Variants in UMODL1 observed in about 807,000 individuals in gnomAD.
UMODL1 encodes uromodulin-like 1.
A neutral mutation model predicts 136.3 loss-of-function variants in UMODL1; 128 were observed. The ratio of observed to expected loss-of-function variants is 0.94; its 90% CI spans 0.81 to 1.09. UMODL1 has a LOEUF of 1.09. Among genes scored for constraint, UMODL1 ranks in the 50% least tolerant of loss-of-function variants. UMODL1 has a pLI of 0.00. For synonymous variants in UMODL1, 721 were observed against 720.0 expected (o/e 1.00, Z -0.02); for missense variants, 1,766 against 1,725.6 (o/e 1.02, Z -0.41).
rs1342655674 is a variant in UMODL1 at position 42,123,553 on chromosome 21, ATGTGTGTGAATG to A, written c.3147+409_3147+420del. Among the ~76,000 whole-genome samples, 1 of 151,454 alleles carries A rather than the reference ATGTGTGTGAATG, an allele frequency of 6.6e-6. No individual in the cohort carries two copies. The highest frequency in any genetic ancestry group is 1.5e-5 in the Non-Finnish European group (1 of 67,886). ...TATGTCTGTGTATGTGGGGGTGTGC[ATGTGTGTGAATG>A]TGTGTAAATGTGTGAATCTGTGTGT... On this transcript the variant is annotated intron_variant, in intron 17 of 22. Coordinates refer to ENST00000408910, the MANE Select transcript of UMODL1 (RefSeq NM_001004416.3). This position sits in a 1 kb window ranked among gnomAD's most constrained non-coding sequence, Gnocchi z 4.4.
At chr21:42,078,971 G>C (rs115512970) in intron 2 of UMODL1, among the ~76,000 whole-genome samples, 2,032 of 152,308 alleles carry the variant, frequency 0.013, 45 homozygotes, top group African/African-American at 0.046. Flanking sequence ...CACTCCTAGG[G>C]GATAGCGGGG....
In UMODL1 at chr21:42,122,552, T is replaced by C. The variant is rs2066986387; in HGVS notation, c.2828-279T>C. Among the ~76,000 whole-genome samples, 2 of 134,766 alleles carry C rather than the reference T, an allele frequency of 1.5e-5. No individual in the cohort carries two copies. The highest frequency in any genetic ancestry group is 1.5e-4 in the Admixed American group (2 of 13,324). The allele number at this position is 134,766 out of a possible 152,430, so 88.4% of individuals were successfully genotyped here. ...TGCAACATGTGCATGTGTGCGTGTG[T>C]GTGTGTCTGCACGTGTGTGCGTGCG... On this transcript the variant is annotated intron_variant, in intron 16 of 22. Coordinates refer to ENST00000408910, the MANE Select transcript of UMODL1 (RefSeq NM_001004416.3). This position sits in a 1 kb window ranked among gnomAD's most constrained non-coding sequence, Gnocchi z 4.3.
rs377196356 is a variant in UMODL1 at position 42,084,218 on chromosome 21, C to T, written c.454C>T (p.Arg152Cys). ...LEKCCPWSGG[R>C]YCMAPAPQAP... ...GAAGTGCTGCCCCTGGTCAGGGGGG[C>T]GCTACTGCATGGCCCCTGCACCCCA... Residue 152 changes from arginine (R) to cysteine (C), a missense_variant, in exon 3 of 23, where the codon CGC becomes TGC. Physicochemically the swap from Arg to Cys is radical, Grantham distance 180. Transcript: ENST00000408910. 2.3e-5 allele frequency: 37 copies of T among 1,613,454 alleles called. 1 individual carries two copies. The highest frequency in any genetic ancestry group is 3.3e-4 in the Middle Eastern group (2 of 6,084).
In UMODL1 at chr21:42,071,369, C is replaced by G; in HGVS notation, c.53C>G (p.Pro18Arg). Residue 18 changes from proline to arginine, a missense_variant, in exon 1 of 23, where the codon CCA becomes CGA. Coordinates refer to ENST00000408910, the MANE Select transcript of UMODL1 (RefSeq NM_001004416.3). ...ALLALVSAVG[P>R]SQASGFTEKG... ...CTGGCTCTGGTCAGTGCTGTGGGCC[C>G]AAGCCAGGCCAGCGGCTTCACAGGT... The G allele has an allele frequency of 6.3e-7, 1 of 1,594,444 alleles. No individual in the cohort carries two copies. Among genetic ancestry groups the G allele is most frequent in the Non-Finnish European group, 8.5e-7 (1 of 1,171,020 alleles).
chr21:42,113,898 G>C, intron 13 of UMODL1, 68 bp downstream of exon 13: 1 of 1,549,942 alleles, frequency 6.5e-7, no homozygotes, highest in East Asian at 2.3e-5. Flanking sequence ...TGTGGGTTAA[G>C]GCTTAAGAGA....
At chr21:42,109,428 A>T (rs1266367648) in intron 9 of UMODL1, 134 bp from the exon 10 acceptor site, 5 of 1,161,832 alleles carry the variant, frequency 4.3e-6, no homozygotes, top group Non-Finnish European at 6.1e-6. Context: ...TGTTGGACGG[A>T]TGCCCCAAAA....
rs557327273 is a variant in UMODL1 at position 42,134,866 on chromosome 21, C to T, written c.3776-2573C>T. On this transcript the variant is annotated intron_variant, in intron 21 of 22. Transcript: ENST00000408910. Reference sequence around the variant, plus strand: ...GTCTTGATCTCCTGACCTTGTGATCCGCCCGCCTCAGCCTCCCAAGGTTCT... The same window carrying T: ...GTCTTGATCTCCTGACCTTGTGATCTGCCCGCCTCAGCCTCCCAAGGTTCT... Among the ~76,000 whole-genome samples the T allele has an allele frequency of 1.2e-4, 19 of 152,010 alleles. No homozygotes were observed. The East Asian group carries it at 1.7e-3, about 14-fold the overall frequency.
rs1396353542 is a variant in UMODL1, at chr21:42,119,186, A to G, written c.2551A>G (p.Thr851Ala). Residue 851 changes from threonine (T) to alanine (A), a missense_variant, in exon 15 of 23, where the codon ACC (threonine) becomes GCC (alanine). Transcript: ENST00000408910. ...GGVRMEVVSV[T>A]NGSIVVEFHL... ...GGTCAGGATGGAAGTCGTCAGCGTC[A>G]CCAACGGCAGCATCGTGGTGGAGTT... 1 of 1,614,076 alleles carries G rather than the reference A, an allele frequency of 6.2e-7. No homozygotes were observed. Among genetic ancestry groups the G allele is most frequent in the African/African-American group, 1.3e-5 (1 of 74,962 alleles).
intron 8 of UMODL1, 73 bp from the exon 9 acceptor site, chr21:42,103,795 G>GGTCACACCTGGAACCCTGCTT (rs1287747090): frequency 1.9e-6 from 3 of 1,556,060 alleles, no homozygotes; most frequent in African/African-American, 2.7e-5. Flanking sequence ...ACCATCCATC[G>GGTCACACCTGGAACCCTGCTT]GTCACACCTG....
At position 42,091,998 on chromosome 21, in the gene UMODL1, G is replaced by A. The variant is rs988610477; in HGVS notation, c.931+1560G>A. Among the ~76,000 whole-genome samples the A allele has an allele frequency of 1.7e-4, 26 of 152,228 alleles. 1 individual carries two copies. The highest frequency in any genetic ancestry group is 2.9e-4 in the Non-Finnish European group (20 of 68,048). On this transcript the variant is annotated intron_variant, in intron 6 of 22. Transcript: ENST00000408910. ...CAGGAAAACAGCTGGAAGGGCGTGC[G>A]CAGCAAGGTCAGCAGGGAAGGCTCA...
intron 21 of UMODL1, among the ~76,000 whole-genome samples, chr21:42,137,153 G>A (rs2067215442): frequency 1.3e-5 from 2 of 152,192 alleles, no homozygotes; most frequent in South Asian, 2.1e-4. Context: ...GTCCATGCAG[G>A]GAATCTGACT....
chr21:42,098,468 G>GAAA (rs35653079), intron 6 of UMODL1, among the ~76,000 whole-genome samples: 1,695 of 150,460 alleles, frequency 0.011, 25 homozygotes, highest in African/African-American at 0.036. Flanking sequence ...TTTATTATTG[G>GAAA]AAAAAAAAAC....
intron 6 of UMODL1, among the ~76,000 whole-genome samples, chr21:42,097,533 G>A (rs2066573197): frequency 6.6e-6 from 1 of 152,126 alleles, no homozygotes; most frequent in Non-Finnish European, 1.5e-5. Flanking sequence ...TTTTGTTTTT[G>A]TTATTGAGAG....
At position 42,129,771 on chromosome 21, in the gene UMODL1, C is replaced by T; in HGVS notation, c.3749C>T (p.Ser1250Phe). Residue 1250 changes from serine to phenylalanine, a missense_variant, in exon 21 of 23, where the codon TCC (serine) becomes TTC (phenylalanine). Coordinates refer to ENST00000408910, the MANE Select transcript of UMODL1 (RefSeq NM_001004416.3). ...GAAACCTCTGCCACACACCAGATGT[C>T]CTGGGGACCCCTCATCCGGTCTGAA... ...NSETSATHQM[S>F]WGPLIRSEGE... The T allele has an allele frequency of 6.3e-7, 1 of 1,590,408 alleles. No individual in the cohort carries two copies. Among genetic ancestry groups the T allele is most frequent in the Non-Finnish European group, 8.5e-7 (1 of 1,171,120 alleles).
intron 9 of UMODL1, among the ~76,000 whole-genome samples, chr21:42,108,951 T>G (rs113881514): frequency 0.24 from 18,764 of 77,656 alleles, 3,709 homozygotes; most frequent in African/African-American, 0.32. Flanking sequence ...ATACTCAGGC[T>G]GACCCCCACT....
chr21:42,095,087 C>CTTTTTTTTTTTTT (rs1569151178), intron 6 of UMODL1, among the ~76,000 whole-genome samples: 3 of 34,064 alleles, frequency 8.8e-5, no homozygotes, highest in Non-Finnish European at 1.4e-4. Context: ...TTTTCTTCTG[C>CTTTTTTTTTTTTT]TGTTTTTTTT....
Position 42,127,029 on chromosome 21 carries a change from T to C in UMODL1, c.3317T>C (p.Leu1106Pro), listed in dbSNP as rs757593056. ...AGGGTTTACACCATCATCGAGGACC[T>C]CCACGGCGCTGGGAATTTTGTTACC... ...EWGVYTIIEDLHGAGNFVTEM... is the reference protein window; with the variant it reads ...EWGVYTIIEDPHGAGNFVTEM... Residue 1106 changes from leucine (L) to proline (P), a missense_variant, in exon 19 of 23, where the codon CTC becomes CCC. Physicochemically the swap from Leu to Pro is moderately conservative, Grantham distance 98. Transcript: ENST00000408910. 19 of 1,614,086 alleles carry C rather than the reference T, an allele frequency of 1.2e-5. No homozygotes were observed. The highest frequency in any genetic ancestry group is 1.6e-5 in the Non-Finnish European group (19 of 1,180,040).
At chr21:42,066,381 C>G (rs1323464324), upstream of UMODL1, among the ~76,000 whole-genome samples, 2 of 152,228 alleles carry the variant, frequency 1.3e-5, no homozygotes, top group African/African-American at 4.8e-5. Context: ...CTCCTGGGTT[C>G]AAGCAATTCT....
At chr21:42,137,248 C>A (rs529932327) in intron 21 of UMODL1, among the ~76,000 whole-genome samples, 191 bp from the exon 22 acceptor site, 29 of 152,384 alleles carry the variant, frequency 1.9e-4, no homozygotes, top group African/African-American at 6.7e-4. Flanking sequence ...CTGCGCTGTC[C>A]TTACTGCAAT....
Sources: allele counts gnomAD v4.1 joint callset (sites outside exome capture counted in the v4.1 genomes callset), GRCh38; gene constraint gnomAD v4.1.1; non-coding constraint Gnocchi (gnomAD v3.1); transcripts MANE v1.5; gene names NCBI Gene and HGNC (gene_info 2026-07-23, HGNC 2026-07-21).